The following NPTX2 variants were observed in gnomAD, a reference collection of about 807,000 sequenced individuals.
NPTX2 encodes neuronal pentraxin-2.
A neutral mutation model predicts 38.1 loss-of-function variants in NPTX2; 23 were observed. The ratio of observed to expected loss-of-function variants is 0.60; its 90% CI spans 0.43 to 0.85. NPTX2 has a LOEUF of 0.85. Ranked by LOEUF, NPTX2 falls within the 40% of genes least tolerant of loss-of-function variation. The pLI, the probability that NPTX2 is intolerant of heterozygous loss-of-function variation, is 0.00. For missense variants in NPTX2, 553 were observed against 615.3 expected, an observed-to-expected ratio of 0.90 and a Z score of 1.07; for synonymous variants, 291 against 287.3, an observed-to-expected ratio of 1.01 and a Z score of -0.13.
intron 1 of NPTX2, among the ~76,000 whole-genome samples, chr7:98,618,569 T>TCCCCCCCCCCCCCCCCCCCCCCCCCCC (rs145792464): frequency 3.3e-5 from 1 of 30,094 alleles, no homozygotes. Context: ...TCTCTCTCTC[T>TCCCCCCCCCCCCCCCCCCCCCCCCCCC]CCCCCCCTCC....
intron 2 of NPTX2, among the ~76,000 whole-genome samples, chr7:98,621,412 A>C (rs1305424195): frequency 6.6e-6 from 1 of 152,158 alleles, no homozygotes; most frequent in African/African-American, 2.4e-5. Flanking sequence ...GCCTCTCTTC[A>C]TCCCACCGTG....
chr7:98,624,789 C>G, intron 2 of NPTX2, 133 bp from the exon 3 acceptor site: 2 of 1,109,668 alleles, frequency 1.8e-6, no homozygotes, highest in Non-Finnish European at 2.6e-6. Context: ...GGTCTTTGGT[C>G]GCTTGCTGGA....
intron 2 of NPTX2, among the ~76,000 whole-genome samples, chr7:98,623,344 T>C (rs1287981749): frequency 7.2e-5 from 11 of 152,232 alleles, no homozygotes; most frequent in African/African-American, 2.7e-4. Flanking sequence ...TGTGGTTTAC[T>C]TAATTTTGAA....
intron 2 of NPTX2, among the ~76,000 whole-genome samples, chr7:98,624,106 G>A (rs1791308575): frequency 6.6e-6 from 1 of 152,140 alleles, no homozygotes; most frequent in African/African-American, 2.4e-5. Context: ...ACAGGTGTGT[G>A]CCACCCTACC....
chr7:98,625,758 G>A (rs1469943285), intron 3 of NPTX2, among the ~76,000 whole-genome samples: 1 of 151,754 alleles, frequency 6.6e-6, no homozygotes, highest in Non-Finnish European at 1.5e-5. Context: ...CCAGCCCATG[G>A]CCATTGCTGA....
rs1279703894 is a variant in NPTX2 at position 98,617,974 on chromosome 7, G to A, written c.426+87G>A. ...AGACTCGGGAGGATGGGGAAAGGGG[G>A]CCTGGCCCTGGGGAGGGTGTGATCG... On this transcript the variant is annotated intron_variant, in intron 1 of 4. Transcript: ENST00000265634. The A allele has an allele frequency of 1.2e-5, 16 of 1,385,690 alleles. No individual in the cohort carries two copies. In the South Asian group the frequency reaches 1.9e-4, roughly 16 times the overall value. 85.8% of individuals were successfully genotyped at this position (1,385,690 alleles called of 1,614,324 possible).
Position 98,624,959 on chromosome 7 carries a change from G to A in NPTX2, c.681G>A (p.Val227=). Residue 227 remains valine, a synonymous_variant, in exon 3 of 5, where the codon GTG becomes GTA. Coordinates refer to ENST00000265634, the MANE Select transcript of NPTX2 (RefSeq NM_002523.3). ...SAFKSPDAFK[V]SLPLRTNYLY... ...TTAAGTCACCAGATGCGTTCAAGGT[G>A]TCCCTCCCACTCCGCACAAACTACC... 6.2e-7 allele frequency: 1 copy of A among 1,613,766 alleles called. No homozygotes were observed. The highest frequency in any genetic ancestry group is 1.1e-5 in the South Asian group (1 of 91,074).
chr7:98,628,349 C>T, intron 4 of NPTX2, 53 bp from the exon 5 acceptor site: 8 of 822,652 alleles, frequency 9.7e-6, no homozygotes, highest in Non-Finnish European at 1.2e-5. Flanking sequence ...AGCCCGTGTG[C>T]AGGGGGACTT....
At chr7:98,619,971 G>A (rs1309978365) in intron 2 of NPTX2, 112 bp downstream of exon 2, 2 of 932,326 alleles carry the variant, frequency 2.1e-6, no homozygotes, top group East Asian at 2.6e-5. Flanking sequence ...ACATGGGCCT[G>A]GTTCCCGAGT....
intron 1 of NPTX2, among the ~76,000 whole-genome samples, chr7:98,619,123 A>T (rs1011996036): frequency 6.6e-6 from 1 of 152,214 alleles, no homozygotes; most frequent in African/African-American, 2.4e-5. Flanking sequence ...ATTTAGAAAC[A>T]GCATTAAAAA....
intron 1 of NPTX2, among the ~76,000 whole-genome samples, chr7:98,618,595 T>TCC (rs1221869556): frequency 4.7e-3 from 137 of 29,116 alleles, no homozygotes; most frequent in Middle Eastern, 0.028. Flanking sequence ...TCCCCCTCCG[T>TCC]CCCCCCCCCC....
chr7:98,617,412 C>A lies in NPTX2; in HGVS notation c.-50C>A, dbSNP rs75820577. ...CGAAGGCGCCTCCCGCGGAGCGCCC[C>A]GACGGCGCCCGCTCGCCCATGCCGA... On this transcript the variant is annotated 5_prime_UTR_variant, in exon 1 of 5. Coordinates refer to ENST00000265634, the MANE Select transcript of NPTX2 (RefSeq NM_002523.3). The A allele has an allele frequency of 0.052, 30,140 of 578,736 alleles. 876 individuals carry two copies. The highest frequency in any genetic ancestry group is 0.1 in the East Asian group (2,297 of 22,082). 35.9% of individuals were successfully genotyped at this position (578,736 alleles called of 1,614,324 possible). A position where few individuals can be genotyped will look rare whatever the true frequency, so the allele number is the denominator to read the frequency against.
At chr7:98,626,908 C>T (rs79474547) in intron 3 of NPTX2, among the ~76,000 whole-genome samples, 7,571 of 152,282 alleles carry the variant, frequency 0.05, 202 homozygotes, top group East Asian at 0.11. Context: ...TCAGGGCCAG[C>T]GTGGGGGTGT....
intron 2 of NPTX2, among the ~76,000 whole-genome samples, chr7:98,622,673 T>C (rs1791288719): frequency 6.6e-6 from 1 of 152,214 alleles, no homozygotes; most frequent in African/African-American, 2.4e-5. Flanking sequence ...AGTTTTGCTT[T>C]TCAGCCTAAT....
Position 98,623,917 on chromosome 7 carries a change from C to T in NPTX2, c.644-1005C>T, listed in dbSNP as rs537202403. 6.6e-5 allele frequency among the ~76,000 whole-genome samples: 10 copies of T among 152,334 alleles called. No individual in the cohort carries two copies. In the South Asian group the frequency reaches 1.2e-3, roughly 19 times the overall value. ...GAAAATTAAATCTACCTTTCTTCTG[C>T]TCCTTCCTCAAGCTTTCTAGTCACC... On this transcript the variant is annotated intron_variant, in intron 2 of 4. Coordinates refer to ENST00000265634, the MANE Select transcript of NPTX2 (RefSeq NM_002523.3).
chr7:98,627,297 T>TG lies in NPTX2; in HGVS notation c.1023dup (p.His342AlafsTer21). 6.2e-7 allele frequency: 1 copy of TG among 1,613,878 alleles called. No individual in the cohort carries two copies. The highest frequency in any genetic ancestry group is 8.5e-7 in the Non-Finnish European group (1 of 1,179,878). On this transcript the variant is annotated frameshift_variant, in exon 4 of 5. Transcript: ENST00000265634. LOFTEE classifies it high-confidence loss of function. ...GGGCACTGGGGAGAACCTGGCCCCC[T>TG]GGCACCCCATCAAGCCCGGGGGCGT...
chr7:98,622,543 T>C (rs1791286718), intron 2 of NPTX2, among the ~76,000 whole-genome samples: 1 of 152,248 alleles, frequency 6.6e-6, no homozygotes, highest in Non-Finnish European at 1.5e-5. Flanking sequence ...TTCCGGCCCC[T>C]GGCCTGTCAT....
intron 1 of NPTX2, among the ~76,000 whole-genome samples, chr7:98,618,637 A>G (rs889738672): frequency 7.1e-5 from 8 of 113,134 alleles, no homozygotes; most frequent in South Asian, 3.1e-4. Context: ...TCTCATCTCT[A>G]TCTCTGAAAA....
In NPTX2 at chr7:98,628,443, C is replaced by A; in HGVS notation, c.1110C>A (p.Val370=). The A allele has an allele frequency of 6.2e-7, 1 of 1,610,464 alleles. No individual in the cohort carries two copies. Among genetic ancestry groups the A allele is most frequent in the Non-Finnish European group, 8.5e-7 (1 of 1,177,646 alleles). ...GGRFDATQAF[V]GELSQFNIWD... ...GGTTTGATGCCACTCAGGCATTTGT[C>A]GGGGAGCTCAGCCAGTTCAACATAT... Residue 370 remains valine (V), a synonymous_variant, in exon 5 of 5, where the codon GTC becomes GTA. Transcript: ENST00000265634.
Sources: allele counts gnomAD v4.1 joint callset (sites outside exome capture counted in the v4.1 genomes callset), GRCh38; gene constraint gnomAD v4.1.1; transcripts MANE v1.5; gene names NCBI Gene and HGNC (gene_info 2026-07-23, HGNC 2026-07-21).